Variants in FAP observed in about 807,000 individuals in gnomAD.
The protein encoded by FAP is prolyl endopeptidase FAP.
In FAP, 110 loss-of-function variants were observed where a neutral mutation model predicts 126.5. The ratio of observed to expected loss-of-function variants is 0.87; its 90% CI spans 0.74 to 1.02. The LOEUF is 1.02. FAP is among the 50% of genes least tolerant of loss of function. The pLI, the probability that FAP is intolerant of heterozygous loss-of-function variation, is 0.00. For missense variants in FAP, 919 were observed against 909.2 expected (o/e 1.01, Z -0.14); for synonymous variants, 334 against 297.3 (o/e 1.12, Z -1.27).
intron 10 of FAP, among the ~76,000 whole-genome samples, chr2:162,215,471 G>A (rs1262129478): frequency 8.5e-5 from 13 of 152,170 alleles, no homozygotes; most frequent in Non-Finnish European, 1.9e-4. Context: ...CCAGATAAAT[G>A]AGAATAGCCT....
rs1010699859 is a variant in FAP, at chr2:162,223,655, C to G, written c.366G>C (p.Trp122Cys). The G allele has an allele frequency of 1.9e-6, 3 of 1,608,546 alleles. No homozygotes were observed. Among genetic ancestry groups the G allele is most frequent in the African/African-American group, 1.3e-5 (1 of 74,722 alleles). The change falls in exon 6 of 26, where the codon TGG (tryptophan) becomes TGC (cysteine). Residue 122 changes from tryptophan to cysteine, a missense_variant. Physicochemically the swap from Trp to Cys is radical, Grantham distance 215 (BLOSUM62 -2). Coordinates refer to ENST00000188790, the MANE Select transcript of FAP (RefSeq NM_004460.5). ...VYLESDYSKL[W>C]RYSYTATYYI... The stretch of plus-strand genomic sequence containing the variant: ...AATATGTTGCTGTGTAAGAGTATCT[C>G]CAAAGCTGTCAGAAAGAAGAAAGAC...
intron 6 of FAP, among the ~76,000 whole-genome samples, chr2:162,223,075 A>G (rs1689479998): frequency 6.6e-6 from 1 of 152,208 alleles, no homozygotes; most frequent in Non-Finnish European, 1.5e-5. Context: ...CTGACAATTT[A>G]TCTACCAACT....
At chr2:162,172,774 C>G in intron 25 of FAP, 37 bp downstream of exon 25, 2 of 1,409,770 alleles carry the variant, frequency 1.4e-6, no homozygotes, top group Non-Finnish European at 2.0e-6. Flanking sequence ...GCTTGAGGGT[C>G]TAAGGCCATG....
At chr2:162,224,251 C>T (rs946440032) in intron 5 of FAP, among the ~76,000 whole-genome samples, 3 of 151,974 alleles carry the variant, frequency 2.0e-5, no homozygotes, top group African/African-American at 7.2e-5. Context: ...ATAAATGATG[C>T]AAGTATTATT....
intron 11 of FAP, among the ~76,000 whole-genome samples, chr2:162,212,927 C>G (rs1184511584): frequency 6.6e-6 from 1 of 152,124 alleles, no homozygotes; most frequent in Non-Finnish European, 1.5e-5. Context: ...GTAATAGAAA[C>G]AATTAAAACT....
intron 10 of FAP, 127 bp from the exon 11 acceptor site, chr2:162,214,200 G>A (rs1370958373): frequency 1.5e-6 from 1 of 679,300 alleles, no homozygotes. Context: ...AGGTAAGCAA[G>A]ACAAAACATT....
At chr2:162,174,210 T>C (rs1303207622) in intron 22 of FAP, among the ~76,000 whole-genome samples, 1 of 152,108 alleles carries the variant, frequency 6.6e-6, no homozygotes. Context: ...CTCAAATCTA[T>C]TCCCCCTACA....
chr2:162,203,450 G>T (rs1396306297), intron 12 of FAP, among the ~76,000 whole-genome samples: 1 of 152,166 alleles, frequency 6.6e-6, no homozygotes, highest in Non-Finnish European at 1.5e-5. Flanking sequence ...GGAGTTAAAA[G>T]AATCACAAAC....
rs1291815736 is a variant in FAP, at chr2:162,224,325, T to C, written c.360+141A>G. On this transcript the variant is annotated intron_variant, in intron 5 of 25. Coordinates refer to ENST00000188790, the MANE Select transcript of FAP (RefSeq NM_004460.5). ...AAACAAGCTCCATAAGATTGAAACA[T>C]ATCATGCTGAAGATTATTGGTGACG... 5 of 585,442 alleles carry C rather than the reference T, an allele frequency of 8.5e-6. No individual in the cohort carries two copies. In the African/African-American group the frequency reaches 9.7e-5, roughly 11 times the overall value. The allele number at this position is 585,442 out of a possible 1,614,324, so 36.3% of individuals were successfully genotyped here. A position where few individuals can be genotyped will look rare whatever the true frequency, so the allele number is the denominator to read the frequency against.
At chr2:162,234,362 T>G (rs1559796037) in intron 2 of FAP, among the ~76,000 whole-genome samples, 1 of 152,140 alleles carries the variant, frequency 6.6e-6, no homozygotes, top group South Asian at 2.1e-4. Flanking sequence ...TTCCACTTAT[T>G]TAGATCTTTT....
At chr2:162,178,270 A>T (rs1053022792) in intron 21 of FAP, among the ~76,000 whole-genome samples, 3 of 152,232 alleles carry the variant, frequency 2.0e-5, no homozygotes, top group African/African-American at 7.2e-5. Context: ...TGAGGCTGTT[A>T]TTCTAATAAT....
rs755333343 is a variant in FAP, at chr2:162,213,970, T to C, written c.970A>G (p.Arg324Gly). ...CAATCCCATGTCTGCCAGTCTTCCCTGAAGTCACATATAGACAGGACCGAA... is the reference window on the plus strand; with the variant it reads ...CAATCCCATGTCTGCCAGTCTTCCCCGAAGTCACATATAGACAGGACCGAA... ...NVSVLSICDFREDWQTWDCPK... is the reference protein window; with the variant it reads ...NVSVLSICDFGEDWQTWDCPK... Residue 324 changes from arginine (R) to glycine (G), a missense_variant, in exon 11 of 26, where the codon AGG (arginine) becomes GGG (glycine). Physicochemically the swap from Arg to Gly is moderately radical, Grantham distance 125. Coordinates refer to ENST00000188790, the MANE Select transcript of FAP (RefSeq NM_004460.5). 6.2e-7 allele frequency: 1 copy of C among 1,613,882 alleles called. No individual in the cohort carries two copies. Among genetic ancestry groups the C allele is most frequent in the Admixed American group, 1.7e-5 (1 of 60,012 alleles).
rs778927835 is a variant in FAP, at chr2:162,200,604, A to G, written c.1239T>C (p.Asn413=). Reference sequence around the variant, plus strand: ...TTCTTCCAGGGTATTCTTCAAATTCATTGCTAGAATAAAACCTGAAAATAT... The same window carrying G: ...TTCTTCCAGGGTATTCTTCAAATTCGTTGCTAGAATAAAACCTGAAAATAT... ...VTQDSLFYSS[N]EFEEYPGRRN... is the part of the protein sequence containing the mutation. The change falls in exon 15 of 26, where the codon AAT becomes AAC. Residue 413 remains asparagine, a synonymous_variant. Transcript: ENST00000188790. The G allele has an allele frequency of 1.4e-6, 2 of 1,456,642 alleles. No individual in the cohort carries two copies. The highest frequency in any genetic ancestry group is 2.2e-5 in the Admixed American group (1 of 46,276). 90.2% of individuals were successfully genotyped at this position (1,456,642 alleles called of 1,614,324 possible).
intron 21 of FAP, among the ~76,000 whole-genome samples, chr2:162,182,722 T>A (rs1360585737): frequency 6.6e-6 from 1 of 152,218 alleles, no homozygotes; most frequent in East Asian, 1.9e-4. Context: ...AGGGTAATTA[T>A]CATAATTTAT....
chr2:162,224,083 A>C (rs764101136), intron 5 of FAP, among the ~76,000 whole-genome samples: 4 of 152,182 alleles, frequency 2.6e-5, no homozygotes, highest in Non-Finnish European at 5.9e-5. Flanking sequence ...AAATTGGGTA[A>C]AGAGAATTTC....
intron 11 of FAP, among the ~76,000 whole-genome samples, chr2:162,212,212 TCA>T (rs1224571231): frequency 1.3e-5 from 2 of 152,208 alleles, no homozygotes; most frequent in African/African-American, 4.8e-5. Context: ...TTCAAAGCAA[TCA>T]CAGTTTTAAA....
chr2:162,172,642 T>G, intron 25 of FAP, 169 bp downstream of exon 25: 2 of 572,750 alleles, frequency 3.5e-6, no homozygotes, highest in Admixed American at 5.8e-5. Flanking sequence ...CTCGGGTCCT[T>G]CAGTAGTTAA....
chr2:162,203,292 A>G, intron 12 of FAP, 147 bp from the exon 13 acceptor site: 1 of 608,120 alleles, frequency 1.6e-6, no homozygotes, highest in Non-Finnish European at 2.9e-6. Flanking sequence ...CACATCTGAA[A>G]TCCCATTCTT....
At chr2:162,241,118 A>G (rs1253298161) in intron 2 of FAP, among the ~76,000 whole-genome samples, 1 of 152,206 alleles carries the variant, frequency 6.6e-6, no homozygotes, top group East Asian at 1.9e-4. Context: ...ATGAACCAAA[A>G]AACAACAGTT....
Sources: gnomAD v4.1 joint callset for allele counts (sites outside exome capture counted in the v4.1 genomes callset) on GRCh38, gnomAD v4.1.1 for gene constraint, MANE v1.5 for transcripts, NCBI Gene and HGNC (gene_info 2026-07-23, HGNC 2026-07-21) for gene names.